The following TRIM5 variants were observed in gnomAD, a reference collection of about 807,000 sequenced individuals.
TRIM5 encodes tripartite motif containing 5, also known as tripartite motif-containing protein 5.
A neutral mutation model predicts 35.6 loss-of-function variants in TRIM5; 31 were observed. The ratio of observed to expected loss-of-function variants is 0.87; its 90% CI spans 0.65 to 1.18. TRIM5 has a LOEUF of 1.18. Ranked by LOEUF, TRIM5 falls within the 50% of genes most tolerant of loss-of-function variation. The pLI is 0.00. For synonymous variants in TRIM5, 243 were observed against 215.6 expected, an observed-to-expected ratio of 1.13 and a Z score of -1.11; for missense variants, 609 against 591.6, an observed-to-expected ratio of 1.03 and a Z score of -0.31.
the TRIM5 span, chr11:5,633,664 G>A: frequency 2.1e-5 from 16 of 757,750 alleles, no homozygotes; most frequent in Non-Finnish European, 3.0e-5. Flanking sequence ...TTTTCCCCAT[G>A]TCATAGATTC....
chr11:5,676,635 G>A (rs557501384), intron 4 of TRIM5, among the ~76,000 whole-genome samples: 10 of 150,772 alleles, frequency 6.6e-5, no homozygotes, highest in South Asian at 2.1e-4. Context: ...AAAAGAGCCC[G>A]CATCACCAAG....
chr11:5,609,828 CAGG>C, the TRIM5 span, among the ~76,000 whole-genome samples: 11 of 152,142 alleles, frequency 7.2e-5, no homozygotes, highest in African/African-American at 2.7e-4. Context: ...AAGGCTGAGG[CAGG>C]AGAATCGCTT....
At position 5,663,433 on chromosome 11, in the gene TRIM5, A is replaced by T; in HGVS notation, c.*1376T>A. 1 of 985,226 alleles carries T rather than the reference A, an allele frequency of 1.0e-6. No homozygotes were observed. The highest frequency in any genetic ancestry group is 1.2e-6 in the Non-Finnish European group (1 of 829,720). 61.0% of individuals were successfully genotyped at this position (985,226 alleles called of 1,614,324 possible). A position where few individuals can be genotyped will look rare whatever the true frequency, so the allele number is the denominator to read the frequency against. The stretch of plus-strand genomic sequence containing the variant: ...GACAGTAGTATCTGAGATCTAAAAA[A>T]TGAGAATTTAGTAAATCCAATCCTA... On this transcript the variant is annotated 3_prime_UTR_variant, in exon 8 of 8. Transcript: ENST00000380034.
the TRIM5 span, chr11:5,645,880 A>AAAATATAT: frequency 2.9e-5 from 4 of 136,794 alleles, no homozygotes; most frequent in African/African-American, 1.3e-4. Flanking sequence ...AAAAAAAAAA[A>AAAATATAT]ATATATATAT....
chr11:5,593,563 AT>A, the TRIM5 span, among the ~76,000 whole-genome samples: 2 of 152,182 alleles, frequency 1.3e-5, no homozygotes, highest in African/African-American at 4.8e-5. Flanking sequence ...CTATGAGAAT[AT>A]TCTGTGACCC....
chr11:5,621,666 A>G, the TRIM5 span, among the ~76,000 whole-genome samples: 1 of 152,310 alleles, frequency 6.6e-6, no homozygotes, highest in South Asian at 2.1e-4. Context: ...CAAATAGAAA[A>G]GTCAAGCTGG....
At position 5,664,703 on chromosome 11, in the gene TRIM5, G is replaced by C; in HGVS notation, c.*106C>G. 2 of 1,478,834 alleles carry C rather than the reference G, an allele frequency of 1.4e-6. No homozygotes were observed. The highest frequency in any genetic ancestry group is 1.8e-6 in the Non-Finnish European group (2 of 1,119,022). The allele number at this position is 1,478,834 out of a possible 1,614,324, so 91.6% of individuals were successfully genotyped here. A position where few individuals can be genotyped will look rare whatever the true frequency, so the allele number is the denominator to read the frequency against. On this transcript the variant is annotated 3_prime_UTR_variant, in exon 8 of 8. Coordinates refer to ENST00000380034, the MANE Select transcript of TRIM5 (RefSeq NM_033034.3). ...GAAGGACGTTCAAATAGAAAGAAGG[G>C]AGACAGCAAGGAAAAGATGGTTAAA...
chr11:5,659,273 T>C (rs1850736063), downstream of TRIM5, among the ~76,000 whole-genome samples: 1 of 152,116 alleles, frequency 6.6e-6, no homozygotes, highest in East Asian at 1.9e-4. Flanking sequence ...CCCTAGAGCT[T>C]TGAGCAGCAG....
At chr11:5,682,662 T>G (rs59421945) in intron 1 of TRIM5, among the ~76,000 whole-genome samples, 1 of 152,182 alleles carries the variant, frequency 6.6e-6, no homozygotes, top group Admixed American at 6.5e-5. Context: ...CAATCCCTAA[T>G]TGCCTTTAGA....
At chr11:5,607,510 G>T in the TRIM5 span, among the ~76,000 whole-genome samples, 9 of 152,232 alleles carry the variant, frequency 5.9e-5, no homozygotes, top group African/African-American at 2.2e-4. Context: ...TTTCTTCGGG[G>T]TCATTGAGAT....
chr11:5,650,457 C>A, the TRIM5 span, among the ~76,000 whole-genome samples: 1 of 152,182 alleles, frequency 6.6e-6, no homozygotes, highest in African/African-American at 2.4e-5. Flanking sequence ...CCAGGTGATA[C>A]CTTCATATCG....
chr11:5,619,688 A>T, the TRIM5 span: 4 of 66,008 alleles, frequency 6.1e-5, no homozygotes, highest in East Asian at 4.6e-4. Flanking sequence ...CCTGTTTTAA[A>T]TTTTTTTTTT....
At chr11:5,620,480 A>T in the TRIM5 span, among the ~76,000 whole-genome samples, 1 of 151,456 alleles carries the variant, frequency 6.6e-6, no homozygotes, top group Non-Finnish European at 1.5e-5. Context: ...GGATTACAGG[A>T]GTGAGCCACT....
rs762613562 is a variant in TRIM5, at chr11:5,664,822, G to A, written c.1469C>T (p.Ser490Leu). Residue 490 changes from serine (S) to leucine (L), a missense_variant, in exon 8 of 8, where the codon TCA (serine) becomes TTA (leucine). Ser to Leu is a moderately radical substitution (Grantham distance 145, BLOSUM62 -2). Transcript: ENST00000380034. ...GTGTAAGAAGGTTCAAGAGCTTGGTGAGCACAGAGTCATGGGGACTCCACA... is the reference window on the plus strand; with the variant it reads ...GTGTAAGAAGGTTCAAGAGCTTGGTAAGCACAGAGTCATGGGGACTCCACA... ...RKCGVPMTLC[S>L]PSS is the part of the protein sequence containing the mutation. The A allele has an allele frequency of 9.4e-6, 15 of 1,593,500 alleles. No individual in the cohort carries two copies. Among genetic ancestry groups the A allele is most frequent in the Non-Finnish European group, 1.2e-5 (14 of 1,171,636 alleles).
chr11:5,636,644 G>A, the TRIM5 span, among the ~76,000 whole-genome samples: 2 of 152,108 alleles, frequency 1.3e-5, no homozygotes, highest in Non-Finnish European at 2.9e-5. Flanking sequence ...TATGTCATTT[G>A]TCCAGGCATT....
the TRIM5 span, among the ~76,000 whole-genome samples, chr11:5,652,913 G>A: frequency 3.0e-4 from 45 of 150,198 alleles, no homozygotes; most frequent in Admixed American, 6.0e-4. Context: ...GTGCAGTGGC[G>A]TGATCTCAGC....
the TRIM5 span, among the ~76,000 whole-genome samples, chr11:5,619,564 C>G: frequency 6.6e-6 from 1 of 151,148 alleles, no homozygotes; most frequent in African/African-American, 2.5e-5. Context: ...GGGGGCGGGG[C>G]CCTAAGTCTA....
At chr11:5,663,150 AAACAAAC>A, downstream of TRIM5, 1 of 745,058 alleles carries the variant, frequency 1.3e-6, no homozygotes, top group Non-Finnish European at 1.6e-6. Flanking sequence ...ACAAACAAAC[AAACAAAC>A]AAAAAAGCCC....
the TRIM5 span, chr11:5,589,110 A>G: frequency 6.6e-6 from 1 of 151,962 alleles, no homozygotes; most frequent in African/African-American, 2.4e-5. Context: ...TACCTATCTC[A>G]GACAATTGAA....
Sources: gnomAD v4.1 joint callset for allele counts (sites outside exome capture counted in the v4.1 genomes callset) on GRCh38, gnomAD v4.1.1 for gene constraint, MANE v1.5 for transcripts, NCBI Gene and HGNC (gene_info 2026-07-23, HGNC 2026-07-21) for gene names.